The following CORIN variants were observed in gnomAD, a reference collection of about 807,000 sequenced individuals.
CORIN encodes the protein corin, serine peptidase, also known as atrial natriuretic peptide-converting enzyme.
A neutral mutation model predicts 125.3 loss-of-function variants in CORIN; 117 were observed. That is an observed-to-expected ratio of 0.93 (90% CI 0.80 to 1.09). The LOEUF (loss-of-function observed/expected upper bound fraction) is 1.09. CORIN is among the 50% of genes least tolerant of loss of function. CORIN has a pLI of 0.00. For missense variants in CORIN, 1,253 were observed against 1,306.7 expected, an observed-to-expected ratio of 0.96 and a Z score of 0.63; for synonymous variants, 450 against 466.4, an observed-to-expected ratio of 0.96 and a Z score of 0.45.
At chr4:47,764,418 C>T (rs1729612324) in intron 3 of CORIN, among the ~76,000 whole-genome samples, 1 of 152,174 alleles carries the variant, frequency 6.6e-6, no homozygotes, top group Non-Finnish European at 1.5e-5. Flanking sequence ...TGTTGACATG[C>T]ATTCATATGA....
intron 2 of CORIN, among the ~76,000 whole-genome samples, chr4:47,800,509 A>C (rs1290796898): frequency 1.3e-5 from 2 of 152,190 alleles, no homozygotes; most frequent in African/African-American, 4.8e-5. Flanking sequence ...AGCTCCTACC[A>C]GACAGATCTG....
chr4:47,648,623 C>T lies in CORIN; in HGVS notation c.1844-3429G>A, dbSNP rs1042742546. ...ATTACAAATAAAGTCAGCAAATCAC[C>T]TCAAAGCAGATGCTTTTTGTTCTGT... On this transcript the variant is annotated intron_variant, in intron 13 of 21. Transcript: ENST00000273857. Among the ~76,000 whole-genome samples the T allele has an allele frequency of 2.6e-5, 4 of 152,170 alleles. No homozygotes were observed. In the East Asian group the frequency reaches 7.7e-4, roughly 29 times the overall value.
rs1482739745 is a variant in CORIN at position 47,683,786 on chromosome 4, G to C, written c.966C>G (p.Ser322Arg). Reference protein sequence around the residue: ...HCHTGKCLNYSLVCDGYDDCG... With the variant: ...HCHTGKCLNYRLVCDGYDDCG... ...AGTCATCATATCCATCACACACAAG[G>C]CTGTAATTAAGGCACTTGCCTGTGT... Residue 322 changes from serine to arginine, a missense_variant, in exon 7 of 22, where the codon AGC becomes AGG. Coordinates refer to ENST00000273857, the MANE Select transcript of CORIN (RefSeq NM_006587.4). 1.9e-6 allele frequency: 3 copies of C among 1,613,588 alleles called. No homozygotes were observed. In the African/African-American group the frequency reaches 4.0e-5, roughly 22 times the overall value.
chr4:47,734,542 A>G (rs1247308706), intron 5 of CORIN, among the ~76,000 whole-genome samples: 1 of 152,228 alleles, frequency 6.6e-6, no homozygotes, highest in African/African-American at 2.4e-5. Context: ...GTATCACAGC[A>G]TATTTACATG....
At chr4:47,611,264 A>G (rs573534398) in intron 19 of CORIN, among the ~76,000 whole-genome samples, 2 of 152,074 alleles carry the variant, frequency 1.3e-5, no homozygotes, top group African/African-American at 2.4e-5. Flanking sequence ...GTCCTCTCTG[A>G]TTTCCTTAAA....
chr4:47,833,338 T>C (rs1733158042), intron 1 of CORIN, among the ~76,000 whole-genome samples: 1 of 152,102 alleles, frequency 6.6e-6, no homozygotes, highest in Non-Finnish European at 1.5e-5. Context: ...GAAAACTGGC[T>C]ACACATATGC....
rs777099502 is a variant in CORIN at position 47,623,686 on chromosome 4, G to A, written c.2425C>T (p.Arg809Cys). The A allele has an allele frequency of 3.1e-4, 494 of 1,614,074 alleles. 1 individual carries two copies. The highest frequency in any genetic ancestry group is 4.0e-4 in the Non-Finnish European group (475 of 1,180,034). ...NKRILGGRTS[R>C]PGRWPWQCSL... The stretch of plus-strand genomic sequence containing the variant: ...CACTGCCATGGCCACCTTCCAGGGC[G>A]ACTCGTCCGACCTCCAAGGATCCTT... The change falls in exon 19 of 22, where the codon CGC becomes TGC. Residue 809 changes from arginine to cysteine, a missense_variant. Transcript: ENST00000273857.
chr4:47,803,979 A>G (rs1171454079), intron 2 of CORIN, among the ~76,000 whole-genome samples: 2 of 152,244 alleles, frequency 1.3e-5, no homozygotes, highest in Non-Finnish European at 2.9e-5. Context: ...CATAATCAGA[A>G]TTTATAAGGA....
chr4:47,603,652 C>A lies in CORIN; in HGVS notation c.2557G>T (p.Val853Phe), dbSNP rs376924333. ...TTGATGCCAAGCACCACTTTCCAAA[C>A]TGCAGCATTCTCTCTCCTAAAATTA... ...HCFEGRENAAVWKVVLGINNL... is the reference protein window; with the variant it reads ...HCFEGRENAAFWKVVLGINNL... The change falls in exon 20 of 22, where the codon GTT (valine) becomes TTT (phenylalanine). Residue 853 changes from valine (V) to phenylalanine (F), a missense_variant. Physicochemically the swap from Val to Phe is conservative, Grantham distance 50 (BLOSUM62 -1). Coordinates refer to ENST00000273857, the MANE Select transcript of CORIN (RefSeq NM_006587.4). The A allele has an allele frequency of 6.2e-7, 1 of 1,613,286 alleles. No homozygotes were observed. The highest frequency in any genetic ancestry group is 8.5e-7 in the Non-Finnish European group (1 of 1,179,224).
chr4:47,711,996 C>A (rs542287901), intron 5 of CORIN, among the ~76,000 whole-genome samples: 15 of 152,304 alleles, frequency 9.8e-5, no homozygotes, highest in Non-Finnish European at 1.6e-4. Flanking sequence ...CTGAAATAAC[C>A]AATTTGTAAA....
At chr4:47,646,990 T>C (rs555107767) in intron 13 of CORIN, among the ~76,000 whole-genome samples, 1 of 152,124 alleles carries the variant, frequency 6.6e-6, no homozygotes, top group Non-Finnish European at 1.5e-5. Context: ...TAAAATTAGA[T>C]TTAGTGTGTT....
chr4:47,758,298 C>A (rs1004219865), intron 4 of CORIN, among the ~76,000 whole-genome samples: 1 of 151,984 alleles, frequency 6.6e-6, no homozygotes, highest in Non-Finnish European at 1.5e-5. Context: ...AAGATCTCTA[C>A]ACAAATAACT....
intron 12 of CORIN, among the ~76,000 whole-genome samples, chr4:47,661,276 G>A (rs543172722): frequency 1.3e-5 from 2 of 152,244 alleles, no homozygotes; most frequent in East Asian, 1.9e-4. Flanking sequence ...GCACAACAGA[G>A]TGACTACAGT....
At chr4:47,826,254 A>G (rs1732741452) in intron 1 of CORIN, among the ~76,000 whole-genome samples, 1 of 152,274 alleles carries the variant, frequency 6.6e-6, no homozygotes, top group Non-Finnish European at 1.5e-5. Context: ...CTCTGCAGCC[A>G]GGGCAACACC....
At chr4:47,722,311 A>G (rs188899718) in intron 5 of CORIN, among the ~76,000 whole-genome samples, 3 of 152,290 alleles carry the variant, frequency 2.0e-5, no homozygotes, top group Admixed American at 2.0e-4. Flanking sequence ...AAAGGAATCA[A>G]TTTCCACACC....
intron 6 of CORIN, among the ~76,000 whole-genome samples, chr4:47,689,087 A>G (rs935135117): frequency 6.6e-6 from 1 of 152,182 alleles, no homozygotes; most frequent in African/African-American, 2.4e-5. Flanking sequence ...TACATGTATC[A>G]GCTGACATTA....
chr4:47,690,673 CCTCA>C (rs2109737430), intron 6 of CORIN, among the ~76,000 whole-genome samples: 1 of 152,290 alleles, frequency 6.6e-6, no homozygotes, highest in East Asian at 1.9e-4. Flanking sequence ...TTCTTCTGTT[CCTCA>C]CTGAGAACGC....
intron 6 of CORIN, among the ~76,000 whole-genome samples, chr4:47,688,996 T>G (rs1725648828): frequency 6.6e-6 from 1 of 152,206 alleles, no homozygotes; most frequent in Non-Finnish European, 1.5e-5. Context: ...TTTGTGCTTT[T>G]TAGGCTGCCT....
intron 4 of CORIN, among the ~76,000 whole-genome samples, chr4:47,752,245 G>A (rs543492588): frequency 6.6e-6 from 1 of 152,138 alleles, no homozygotes; most frequent in South Asian, 2.1e-4. Context: ...TCCGCTAAAC[G>A]AGTATTTATT....
Sources: gnomAD v4.1 joint callset for allele counts (sites outside exome capture counted in the v4.1 genomes callset) on GRCh38, gnomAD v4.1.1 for gene constraint, MANE v1.5 for transcripts, NCBI Gene and HGNC (gene_info 2026-07-23, HGNC 2026-07-21) for gene names.